The following FOXN3 variants were observed in gnomAD, a reference collection of about 807,000 sequenced individuals.
The protein encoded by FOXN3 is forkhead box N3.
Under a neutral mutation model 38.4 loss-of-function variants are expected in FOXN3, and 7 were observed. That is an observed-to-expected ratio of 0.18 (90% CI 0.10 to 0.34). FOXN3 has a LOEUF of 0.34. Among genes scored for constraint, FOXN3 ranks in the 10% least tolerant of loss-of-function variants. The pLI is 1.00. For missense variants in FOXN3, 456 were observed against 613.4 expected (o/e 0.74, Z 2.71); for synonymous variants, 230 against 242.2 (o/e 0.95, Z 0.47).
At chr14:89,325,340 C>A (rs1233283017) in intron 3 of FOXN3, among the ~76,000 whole-genome samples, 1 of 145,742 alleles carries the variant, frequency 6.9e-6, no homozygotes, top group Non-Finnish European at 1.5e-5. Flanking sequence ...ACCACCACCA[C>A]CACCACCACC....
chr14:89,432,140 G>A (rs1892172117), intron 1 of FOXN3, among the ~76,000 whole-genome samples: 1 of 152,294 alleles, frequency 6.6e-6, no homozygotes, highest in Admixed American at 6.5e-5. Context: ...CCACTAACTG[G>A]ATCCCTGTCA....
At chr14:89,448,702 G>T (rs967786215) in intron 1 of FOXN3, among the ~76,000 whole-genome samples, 2 of 152,090 alleles carry the variant, frequency 1.3e-5, no homozygotes, top group East Asian at 3.9e-4. Flanking sequence ...ACTTTGGGAG[G>T]TCAAGGCAGG....
At chr14:89,377,872 T>C (rs1890529894) in intron 2 of FOXN3, among the ~76,000 whole-genome samples, 1 of 152,200 alleles carries the variant, frequency 6.6e-6, no homozygotes, top group African/African-American at 2.4e-5. Context: ...GGGTGACCCC[T>C]AATCCACTAT....
At position 89,164,955 on chromosome 14, in the gene FOXN3, G is replaced by A. The variant is rs1039238731; in HGVS notation, c.852-1986C>T. ...GCTGCTCTCCTGGGGCCCCAGGGCC[G>A]GTGGTATTTTGCTAAATTTAGGCTG... is the stretch of plus-strand genomic sequence containing the variant. On this transcript the variant is annotated intron_variant, in intron 5 of 5. Transcript: ENST00000557258. The surrounding 1 kb of genome is among the most constrained non-coding windows in gnomAD (Gnocchi z 4.3). Among the ~76,000 whole-genome samples the A allele has an allele frequency of 1.3e-5, 2 of 152,162 alleles. No individual in the cohort carries two copies. The highest frequency in any genetic ancestry group is 4.8e-5 in the African/African-American group (2 of 41,422).
intron 3 of FOXN3, chr14:89,290,538 T>C: frequency 1.8e-6 from 1 of 545,364 alleles, no homozygotes. Flanking sequence ...AGCTGATTTT[T>C]CACAATTGAA....
At chr14:89,201,821 C>T (rs552257767) in intron 4 of FOXN3, among the ~76,000 whole-genome samples, 63 of 152,368 alleles carry the variant, frequency 4.1e-4, no homozygotes, top group African/African-American at 1.4e-3. Flanking sequence ...AAGCCACTTC[C>T]TCCTCTAGTA....
At chr14:89,205,012 C>T (rs1271875300) in intron 4 of FOXN3, among the ~76,000 whole-genome samples, 1 of 152,046 alleles carries the variant, frequency 6.6e-6, no homozygotes, top group Non-Finnish European at 1.5e-5. Context: ...TTCTGGTGAG[C>T]GAATGGGAAA....
At chr14:89,538,186 TTG>T (rs1894726521) in intron 1 of FOXN3, among the ~76,000 whole-genome samples, 1 of 152,220 alleles carries the variant, frequency 6.6e-6, no homozygotes, top group African/African-American at 2.4e-5. Flanking sequence ...CGTAATGTAT[TTG>T]TTCTTCTGCT....
chr14:89,231,079 C>T (rs533285558), intron 4 of FOXN3, among the ~76,000 whole-genome samples: 1 of 152,250 alleles, frequency 6.6e-6, no homozygotes, highest in Non-Finnish European at 1.5e-5. Context: ...TGAGGAGAAG[C>T]ATGCCTGCCT....
intron 4 of FOXN3, among the ~76,000 whole-genome samples, chr14:89,219,910 A>G (rs1237747670): frequency 6.6e-6 from 1 of 152,186 alleles, no homozygotes; most frequent in East Asian, 1.9e-4. Flanking sequence ...GTTTGCCAGA[A>G]GCTGTTAGGA....
At chr14:89,343,452 T>C (rs1277203363) in intron 3 of FOXN3, among the ~76,000 whole-genome samples, 2 of 148,780 alleles carry the variant, frequency 1.3e-5, no homozygotes, top group Non-Finnish European at 3.0e-5. Context: ...ACAATTTCTA[T>C]ACCCTTAGCA....
chr14:89,318,754 G>A (rs1249174781), intron 3 of FOXN3, among the ~76,000 whole-genome samples: 2 of 152,218 alleles, frequency 1.3e-5, no homozygotes, highest in Non-Finnish European at 2.9e-5. Flanking sequence ...GTTGTGCGCA[G>A]CAGTGACTGG....
intron 1 of FOXN3, among the ~76,000 whole-genome samples, chr14:89,528,454 T>C (rs1894481250): frequency 7.5e-6 from 1 of 134,032 alleles, no homozygotes; most frequent in African/African-American, 2.7e-5. Flanking sequence ...TGGAGTGCAA[T>C]GGCACGATCT....
chr14:89,482,087 A>G (rs940966660), intron 1 of FOXN3, among the ~76,000 whole-genome samples: 2 of 152,208 alleles, frequency 1.3e-5, no homozygotes, highest in African/African-American at 4.8e-5. Context: ...TCTTTCATAC[A>G]CTTTATTTGA....
At chr14:89,476,605 C>T (rs1893214684) in intron 1 of FOXN3, among the ~76,000 whole-genome samples, 1 of 152,204 alleles carries the variant, frequency 6.6e-6, no homozygotes, top group Non-Finnish European at 1.5e-5. Flanking sequence ...ACACATAAAC[C>T]ACATAAACAT....
rs114119717 is a variant in FOXN3, at chr14:89,184,651, G to A, written c.746-3845C>T. 3.7e-3 allele frequency among the ~76,000 whole-genome samples: 560 copies of A among 152,320 alleles called. 1 individual carries two copies. Among genetic ancestry groups the A allele is most frequent in the African/African-American group, 0.013 (544 of 41,566 alleles). The stretch of plus-strand genomic sequence containing the variant: ...GCCCCGTTACTGGCTCTGTGGCCTT[G>A]GCCTAGTGCCTTCACCTTCCTGGGT... On this transcript the variant is annotated intron_variant, in intron 4 of 5. Transcript: ENST00000557258.
chr14:89,415,847 T>TACATACACACACACACAC (rs1284424954), intron 1 of FOXN3, among the ~76,000 whole-genome samples: 2 of 140,416 alleles, frequency 1.4e-5, no homozygotes, highest in African/African-American at 5.5e-5. Context: ...AACTTTTCTC[T>TACATACACACACACACAC]ACACACACAC....
intron 4 of FOXN3, among the ~76,000 whole-genome samples, chr14:89,195,660 G>C (rs1434182316): frequency 6.6e-6 from 1 of 152,164 alleles, no homozygotes; most frequent in Non-Finnish European, 1.5e-5. Context: ...GTCCAACCCA[G>C]TTTATCAGCA....
At chr14:89,343,150 A>G (rs909820306) in intron 3 of FOXN3, among the ~76,000 whole-genome samples, 7 of 152,246 alleles carry the variant, frequency 4.6e-5, no homozygotes, top group South Asian at 2.1e-4. Context: ...TTAAAAAATT[A>G]TTGGATCCTA....
Sources: allele counts gnomAD v4.1 joint callset (sites outside exome capture counted in the v4.1 genomes callset), GRCh38; gene constraint gnomAD v4.1.1; non-coding constraint Gnocchi (gnomAD v3.1); transcripts MANE v1.5; gene names NCBI Gene and HGNC (gene_info 2026-07-23, HGNC 2026-07-21).